DNAJC19: variants seen among roughly 807,000 people sequenced by gnomAD.
DNAJC19 encodes the protein DnaJ heat shock protein family (Hsp40) member C19.
Under a neutral mutation model 19.8 loss-of-function variants are expected in DNAJC19, and 15 were observed. That is an observed-to-expected ratio of 0.76 (90% CI 0.51 to 1.17). DNAJC19 has a LOEUF of 1.17. Among genes scored for constraint, DNAJC19 ranks in the 50% most tolerant of loss-of-function variants. The pLI is 0.00. For synonymous variants in DNAJC19, 38 were observed against 42.1 expected (o/e 0.90, Z 0.38); for missense variants, 105 against 140.9 (o/e 0.75, Z 1.29).
chr3:180,984,811 G>A, intron 5 of DNAJC19, 101 bp from the exon 6 acceptor site: 3 of 792,830 alleles, frequency 3.8e-6, no homozygotes, highest in Non-Finnish European at 6.1e-6. Flanking sequence ...TTATCTGAGG[G>A]AGATTTAGCA....
chr3:180,988,232 G>C lies in DNAJC19; in HGVS notation c.4-3C>G. On this transcript the variant is annotated splice_region_variant and splice_polypyrimidine_tract_variant and intron_variant, in intron 1 of 5. Transcript: ENST00000382564. ...CCAACTGCTACCACTGTACTGGCCT[G>C]GTAAGGGGGAGAAGAGTAAATATTT... 6.2e-7 allele frequency: 1 copy of C among 1,614,058 alleles called. No individual in the cohort carries two copies. Among genetic ancestry groups the C allele is most frequent in the Non-Finnish European group, 8.5e-7 (1 of 1,180,012 alleles).
At chr3:180,988,706 A>G (rs1715040129) in intron 1 of DNAJC19, among the ~76,000 whole-genome samples, 1 of 152,048 alleles carries the variant, frequency 6.6e-6, no homozygotes, top group Non-Finnish European at 1.5e-5. Context: ...AAGTTCAATC[A>G]AAAGTAGTGG....
At chr3:180,985,858 A>AT in intron 5 of DNAJC19, 68 bp downstream of exon 5, 1 of 1,349,188 alleles carries the variant, frequency 7.4e-7, no homozygotes, top group Non-Finnish European at 1.1e-6. Context: ...GGAATTTGAG[A>AT]TAAAATTATC....
In DNAJC19 at chr3:180,985,984, A is replaced by T; in HGVS notation, c.222T>A (p.Asn74Lys). 1 of 1,613,152 alleles carries T rather than the reference A, an allele frequency of 6.2e-7. No homozygotes were observed. The highest frequency in any genetic ancestry group is 8.5e-7 in the Non-Finnish European group (1 of 1,179,616). The stretch of plus-strand genomic sequence containing the variant: ...GATGAGCATCTCTTATTTTCCCTTT[A>T]TTGGCAGTAGGGCTAATTAAAAAAA... ...ALILGVSPTA[N>K]KGKIRDAHRR... Residue 74 changes from asparagine (N) to lysine (K), a missense_variant, in exon 5 of 6, where the codon AAT becomes AAA. Physicochemically the swap from Asn to Lys is moderately conservative, Grantham distance 94 (BLOSUM62 0). Transcript: ENST00000382564.
chr3:180,986,186 C>T (rs569207540), intron 4 of DNAJC19, among the ~76,000 whole-genome samples, 190 bp from the exon 5 acceptor site: 1 of 152,200 alleles, frequency 6.6e-6, no homozygotes, highest in Admixed American at 6.5e-5. Context: ...AAGTAAGGCA[C>T]TCTCAAAAAT....
chr3:180,988,239 G>C lies in DNAJC19; in HGVS notation c.4-10C>G. 6.2e-7 allele frequency: 1 copy of C among 1,614,094 alleles called. No homozygotes were observed. The highest frequency in any genetic ancestry group is 1.3e-5 in the African/African-American group (1 of 75,024). The stretch of plus-strand genomic sequence containing the variant: ...CTACCACTGTACTGGCCTGGTAAGG[G>C]GGAGAAGAGTAAATATTTACTTCTC... On this transcript the variant is annotated splice_polypyrimidine_tract_variant and intron_variant, in intron 1 of 5. Coordinates refer to ENST00000382564, the MANE Select transcript of DNAJC19 (RefSeq NM_145261.4).
rs114637069 is a variant in DNAJC19, at chr3:180,984,261, A to C, written c.*379T>G. On this transcript the variant is annotated 3_prime_UTR_variant, in exon 6 of 6. Coordinates refer to ENST00000382564, the MANE Select transcript of DNAJC19 (RefSeq NM_145261.4). Reference sequence around the variant, plus strand: ...GTCCCTACTTAAACAGCTTAAGCTAATTTCCATCATACTATTTATCACAGT... The same window carrying C: ...GTCCCTACTTAAACAGCTTAAGCTACTTTCCATCATACTATTTATCACAGT... 3.4e-4 allele frequency: 153 copies of C among 454,542 alleles called. 1 individual carries two copies. Among genetic ancestry groups the C allele is most frequent in the African/African-American group, 2.8e-3 (139 of 50,132 alleles). The allele number at this position is 454,542 out of a possible 1,614,324, so 28.2% of individuals were successfully genotyped here.
chr3:180,985,546 G>A (rs1275461796), intron 5 of DNAJC19: 3 of 209,182 alleles, frequency 1.4e-5, no homozygotes, highest in Admixed American at 1.1e-4. Context: ...ACACAGCCAA[G>A]GCTGCATAGA....
chr3:180,986,903 A>G (rs375449281), intron 4 of DNAJC19, 40 bp downstream of exon 4: 23 of 1,512,296 alleles, frequency 1.5e-5, no homozygotes, highest in Non-Finnish European at 2.0e-5. Flanking sequence ...ATGGCTCTAC[A>G]GTGGTAGAAA....
chr3:180,985,996 G>A lies in DNAJC19; in HGVS notation c.210C>T (p.Ser70=). 6.2e-7 allele frequency: 1 copy of A among 1,611,646 alleles called. No individual in the cohort carries two copies. The highest frequency in any genetic ancestry group is 8.5e-7 in the Non-Finnish European group (1 of 1,178,772). The part of the protein sequence containing the change: ...KREAALILGV[S]PTANKGKIRD... ...TTATTTTCCCTTTATTGGCAGTAGGGCTAATTAAAAAAAGAAATGGTATTT... is the reference window on the plus strand; with the variant it reads ...TTATTTTCCCTTTATTGGCAGTAGGACTAATTAAAAAAAGAAATGGTATTT... The change falls in exon 5 of 6, where the codon AGC becomes AGT. Residue 70 remains serine (S), a splice_region_variant and synonymous_variant. Transcript: ENST00000382564.
In DNAJC19 at chr3:180,986,281, G is replaced by GT. The variant is rs1183499969; in HGVS notation, c.210-286dup. Among the ~76,000 whole-genome samples, 34 of 137,266 alleles carry GT rather than the reference G, an allele frequency of 2.5e-4. No individual in the cohort carries two copies. In the South Asian group the frequency reaches 8.2e-3, roughly 33 times the overall value. The allele number at this position is 137,266 out of a possible 152,430, so 90.1% of individuals were successfully genotyped here. On this transcript the variant is annotated intron_variant, in intron 4 of 5. Transcript: ENST00000382564. ...AGGATTTGAAAATGAAGAAGGAAGAGTTTTGTTTTTTTTTTTTTTTGAGAT... is the reference window on the plus strand; with the variant it reads ...AGGATTTGAAAATGAAGAAGGAAGAGTTTTTGTTTTTTTTTTTTTTTGAGAT...
In DNAJC19 at chr3:180,984,464, A is replaced by G; in HGVS notation, c.*176T>C. On this transcript the variant is annotated 3_prime_UTR_variant, in exon 6 of 6. Coordinates refer to ENST00000382564, the MANE Select transcript of DNAJC19 (RefSeq NM_145261.4). ...CCCATAATTAATACGCAAATATTCTAAACTATAATCTGATTTAAAATCCCC... is the reference window on the plus strand; with the variant it reads ...CCCATAATTAATACGCAAATATTCTGAACTATAATCTGATTTAAAATCCCC... 1 of 638,268 alleles carries G rather than the reference A, an allele frequency of 1.6e-6. No homozygotes were observed. The highest frequency in any genetic ancestry group is 3.0e-6 in the Non-Finnish European group (1 of 337,694). The allele number at this position is 638,268 out of a possible 1,614,324, so 39.5% of individuals were successfully genotyped here.
At chr3:180,985,891 CCAACAA>C in intron 5 of DNAJC19, 29 bp downstream of exon 5, 1 of 1,575,292 alleles carries the variant, frequency 6.3e-7, no homozygotes, top group Non-Finnish European at 8.7e-7. Context: ...ATTGGTCACA[CCAACAA>C]CATCAACGAG....
Position 180,984,123 on chromosome 3 carries a change from A to G in DNAJC19, c.*517T>C, listed in dbSNP as rs1394435250. 3 of 454,070 alleles carry G rather than the reference A, an allele frequency of 6.6e-6. No homozygotes were observed. The highest frequency in any genetic ancestry group is 2.3e-5 in the Admixed American group (1 of 42,568). 28.1% of individuals were successfully genotyped at this position (454,070 alleles called of 1,614,324 possible). Reference sequence around the variant, plus strand: ...CACACACACACACACCCCTAGGTCAATTTCTTAGGTCTCAGTTGTGGTTAA... The same window carrying G: ...CACACACACACACACCCCTAGGTCAGTTTCTTAGGTCTCAGTTGTGGTTAA... On this transcript the variant is annotated 3_prime_UTR_variant, in exon 6 of 6. Transcript: ENST00000382564.
rs1206287244 is a variant in DNAJC19, at chr3:180,989,025, T to A, written c.3+575A>T. Among the ~76,000 whole-genome samples the A allele has an allele frequency of 1.8e-3, 257 of 139,246 alleles. 2 individuals are homozygous for A. Among genetic ancestry groups the A allele is most frequent in the African/African-American group, 6.2e-3 (226 of 36,614 alleles). 91.4% of individuals were successfully genotyped at this position (139,246 alleles called of 152,430 possible). A position where few individuals can be genotyped will look rare whatever the true frequency, so the allele number is the denominator to read the frequency against. ...TCTGTCTCAAAAAAAAAAAAAAAAA[T>A]GTGGAAATAAGGTTTCTGCTACAGA... On this transcript the variant is annotated intron_variant, in intron 1 of 5. Coordinates refer to ENST00000382564, the MANE Select transcript of DNAJC19 (RefSeq NM_145261.4).
chr3:180,985,202 T>C (rs929242653), intron 5 of DNAJC19, among the ~76,000 whole-genome samples: 2 of 152,190 alleles, frequency 1.3e-5, no homozygotes, highest in South Asian at 4.1e-4. Context: ...CTTCACAATG[T>C]CATCTACAGC....
At chr3:180,986,439 G>A (rs1190299497) in intron 4 of DNAJC19, among the ~76,000 whole-genome samples, 3 of 151,946 alleles carry the variant, frequency 2.0e-5, no homozygotes, top group African/African-American at 4.8e-5. Flanking sequence ...GTGCCATTAC[G>A]CCTGGCTAAT....
At chr3:180,989,126 G>A (rs959258038) in intron 1 of DNAJC19, among the ~76,000 whole-genome samples, 1 of 152,150 alleles carries the variant, frequency 6.6e-6, no homozygotes, top group African/African-American at 2.4e-5. Flanking sequence ...GCTAAACTAG[G>A]AGACTAATAC....
intron 4 of DNAJC19, 41 bp downstream of exon 4, chr3:180,986,902 C>T: frequency 6.6e-7 from 1 of 1,513,800 alleles, no homozygotes; most frequent in East Asian, 2.3e-5. Context: ...CATGGCTCTA[C>T]AGTGGTAGAA....
Sources: allele counts gnomAD v4.1 joint callset (sites outside exome capture counted in the v4.1 genomes callset), GRCh38; gene constraint gnomAD v4.1.1; transcripts MANE v1.5; gene names NCBI Gene and HGNC (gene_info 2026-07-23, HGNC 2026-07-21).